Variants in STAT3 observed in about 807,000 individuals in gnomAD.
STAT3 encodes DNA-binding protein APRF.
A neutral mutation model predicts 114.3 loss-of-function variants in STAT3; 7 were observed. The ratio of observed to expected loss-of-function variants is 0.06; its 90% CI spans 0.03 to 0.11. The LOEUF is 0.11. Ranked by LOEUF, STAT3 falls within the 10% of genes least tolerant of loss-of-function variation. The pLI is 1.00. For synonymous variants in STAT3, 331 were observed against 354.5 expected, an observed-to-expected ratio of 0.93 and a Z score of 0.74; for missense variants, 364 against 960.9, an observed-to-expected ratio of 0.38 and a Z score of 8.21.
chr17:42,331,572 C>T (rs2082012125), intron 10 of STAT3, 41 bp from the exon 11 acceptor site: 3 of 1,496,778 alleles, frequency 2.0e-6, no homozygotes, highest in Non-Finnish European at 2.8e-6. Context: ...AAGTCAGTAA[C>T]TCTCCCATAA....
intron 1 of STAT3, among the ~76,000 whole-genome samples, chr17:42,375,375 C>T (rs953207355): frequency 6.6e-6 from 1 of 152,084 alleles, no homozygotes; most frequent in Non-Finnish European, 1.5e-5. Flanking sequence ...TGAGGATGAC[C>T]CCAGATAAAC....
Position 42,323,154 on chromosome 17 carries a change from G to C in STAT3, c.1749-11C>G, listed in dbSNP as rs1360388390. 6.2e-7 allele frequency: 1 copy of C among 1,614,106 alleles called. No individual in the cohort carries two copies. The highest frequency in any genetic ancestry group is 2.2e-5 in the East Asian group (1 of 44,898). On this transcript the variant is annotated splice_polypyrimidine_tract_variant and intron_variant, in intron 19 of 23. Coordinates refer to ENST00000264657, the MANE Select transcript of STAT3 (RefSeq NM_139276.3). ...AAGCCCATGATGTACCTGGAGCCAA[G>C]GAGGAGGAACAATGTTGTTATTGCT...
At chr17:42,360,671 T>C (rs944130001) in intron 1 of STAT3, among the ~76,000 whole-genome samples, 4 of 151,862 alleles carry the variant, frequency 2.6e-5, no homozygotes, top group Admixed American at 6.6e-5. Context: ...TTTTAGTTGA[T>C]TTTTAAGTAA....
At chr17:42,364,148 C>T (rs1249058183) in intron 1 of STAT3, among the ~76,000 whole-genome samples, 1 of 152,148 alleles carries the variant, frequency 6.6e-6, no homozygotes, top group East Asian at 1.9e-4. Flanking sequence ...CAGAAGTACA[C>T]CTCCCCTACT....
At position 42,323,026 on chromosome 17, in the gene STAT3, A is replaced by G. The variant is rs748472407; in HGVS notation, c.1866T>C (p.Thr622=). The part of the protein sequence containing the change: ...ESSKEGGVTF[T]WVEKDISGKT... The stretch of plus-strand genomic sequence containing the variant: ...TACCGCTGATGTCCTTCTCCACCCA[A>G]GTGAAAGTGACGCCTCCTTCTTTGC... The change falls in exon 20 of 24, where the codon ACT becomes ACC. Residue 622 remains threonine (T), a synonymous_variant. Coordinates refer to ENST00000264657, the MANE Select transcript of STAT3 (RefSeq NM_139276.3). 6.2e-7 allele frequency: 1 copy of G among 1,614,110 alleles called. No individual in the cohort carries two copies. Among genetic ancestry groups the G allele is most frequent in the Admixed American group, 1.7e-5 (1 of 60,030 alleles).
chr17:42,374,706 A>G (rs952250246), intron 1 of STAT3, among the ~76,000 whole-genome samples: 2 of 152,110 alleles, frequency 1.3e-5, no homozygotes, highest in East Asian at 3.9e-4. Context: ...GGTGGCCAAG[A>G]TAATGTAACA....
intron 1 of STAT3, among the ~76,000 whole-genome samples, chr17:42,349,522 G>A (rs917782790): frequency 2.6e-5 from 4 of 152,156 alleles, no homozygotes; most frequent in Non-Finnish European, 5.9e-5. Context: ...GTATAAATGA[G>A]GATCCAGGAA....
Position 42,384,295 on chromosome 17 carries a change from C to CT in STAT3, c.-24+3983dup, listed in dbSNP as rs971602066. On this transcript the variant is annotated intron_variant, in intron 1 of 23. Transcript: ENST00000264657. ...AGACGCCCGCCACAACGCCCGGCTA[C>CT]TTTTTTTTGTATTTTTAGTAGAGAT... is the stretch of plus-strand genomic sequence containing the variant. Among the ~76,000 whole-genome samples, 5 of 151,282 alleles carry CT rather than the reference C, an allele frequency of 3.3e-5. No homozygotes were observed. In the South Asian group the frequency reaches 6.3e-4, roughly 19 times the overall value.
At chr17:42,320,267 C>G (rs911899698) in intron 21 of STAT3, among the ~76,000 whole-genome samples, 25 of 152,218 alleles carry the variant, frequency 1.6e-4, no homozygotes, top group Non-Finnish European at 3.4e-4. Flanking sequence ...AGCTCCAACT[C>G]CCTCTTCCAA....
rs1354983780 is a variant in STAT3 at position 42,388,229 on chromosome 17, C to A, written c.-24+50G>T. On this transcript the variant is annotated intron_variant, in intron 1 of 23. Coordinates refer to ENST00000264657, the MANE Select transcript of STAT3 (RefSeq NM_139276.3). ...CCAGAGGCCCCCTGCCGCTGCGGAG[C>A]CCCCGGGTCCCCAGGCCTCCCCAAC... 9.8e-6 allele frequency: 12 copies of A among 1,230,552 alleles called. No individual in the cohort carries two copies. The East Asian group carries it at 1.6e-4, about 16-fold the overall frequency. 76.2% of individuals were successfully genotyped at this position (1,230,552 alleles called of 1,614,324 possible).
intron 10 of STAT3, among the ~76,000 whole-genome samples, chr17:42,332,564 C>T (rs1372753385): frequency 1.4e-5 from 2 of 145,266 alleles, no homozygotes; most frequent in Non-Finnish European, 3.0e-5. Context: ...AAAAAAAGGC[C>T]GAGCGTGGTG....
chr17:42,320,228 C>A (rs2144655597), intron 21 of STAT3, among the ~76,000 whole-genome samples: 1 of 152,260 alleles, frequency 6.6e-6, no homozygotes, highest in Non-Finnish European at 1.5e-5. Flanking sequence ...ACTCAGGACC[C>A]CAACAAAGGA....
chr17:42,343,002 CAAAAAAA>C (rs757011535), intron 4 of STAT3, among the ~76,000 whole-genome samples: 7 of 115,580 alleles, frequency 6.1e-5, no homozygotes, highest in African/African-American at 2.2e-4. Flanking sequence ...CCATCTCTAC[CAAAAAAA>C]AAAAAAAAAA....
At position 42,337,993 on chromosome 17, in the gene STAT3, A is replaced by C. The variant is rs2082301231; in HGVS notation, c.551-136T>G. 1 of 369,924 alleles carries C rather than the reference A, an allele frequency of 2.7e-6. No individual in the cohort carries two copies. Among genetic ancestry groups the C allele is most frequent in the Non-Finnish European group, 4.7e-6 (1 of 211,196 alleles). 22.9% of individuals were successfully genotyped at this position (369,924 alleles called of 1,614,324 possible). A position where few individuals can be genotyped will look rare whatever the true frequency, so the allele number is the denominator to read the frequency against. Reference sequence around the variant, plus strand: ...AGGGAATACTCCTGGACCTGAGGGAATACTCCTTGACCTGAGGGAATACTC... The same window carrying C: ...AGGGAATACTCCTGGACCTGAGGGACTACTCCTTGACCTGAGGGAATACTC... On this transcript the variant is annotated intron_variant, in intron 6 of 23. Transcript: ENST00000264657. The surrounding 1 kb of genome is among the most constrained non-coding windows in gnomAD (Gnocchi z 4.0).
intron 1 of STAT3, among the ~76,000 whole-genome samples, chr17:42,366,179 C>T (rs912290832): frequency 1.3e-5 from 2 of 152,068 alleles, no homozygotes; most frequent in African/African-American, 4.8e-5. Flanking sequence ...CCAAAGCCAA[C>T]CCCTTCATTA....
At chr17:42,332,225 C>T (rs1379666067) in intron 10 of STAT3, among the ~76,000 whole-genome samples, 4 of 150,634 alleles carry the variant, frequency 2.7e-5, no homozygotes, top group East Asian at 2.1e-4. Context: ...CCGTGCCTGG[C>T]CCCTATCTCT....
At chr17:42,323,444 C>A in intron 18 of STAT3, 90 bp from the exon 19 acceptor site, 3 of 1,561,610 alleles carry the variant, frequency 1.9e-6, no homozygotes, top group Non-Finnish European at 2.6e-6. Flanking sequence ...AATCCTCAGG[C>A]CCGTCTACCT....
intron 21 of STAT3, among the ~76,000 whole-genome samples, chr17:42,319,131 A>T (rs1233455160): frequency 6.6e-6 from 1 of 152,156 alleles, no homozygotes; most frequent in Non-Finnish European, 1.5e-5. Context: ...CCAGCTACTC[A>T]GGAGGCTGAG....
chr17:42,315,591 G>T lies in STAT3; in HGVS notation c.*154C>A. The T allele has an allele frequency of 1.3e-6, 1 of 748,850 alleles. No individual in the cohort carries two copies. Among genetic ancestry groups the T allele is most frequent in the Non-Finnish European group, 2.3e-6 (1 of 427,862 alleles). The allele number at this position is 748,850 out of a possible 1,614,324, so 46.4% of individuals were successfully genotyped here. A position where few individuals can be genotyped will look rare whatever the true frequency, so the allele number is the denominator to read the frequency against. ...ATTTCTCTATTTTTAAAAGTGCCCA[G>T]ATTGCTCAAAGATAGCAGAAGTAGG... On this transcript the variant is annotated 3_prime_UTR_variant, in exon 24 of 24. Transcript: ENST00000264657.
Sources: gnomAD v4.1 joint callset for allele counts (sites outside exome capture counted in the v4.1 genomes callset) on GRCh38, gnomAD v4.1.1 for gene constraint, Gnocchi (gnomAD v3.1) non-coding constraint, MANE v1.5 for transcripts, NCBI Gene and HGNC (gene_info 2026-07-23, HGNC 2026-07-21) for gene names.